SYNPO2: variants seen among roughly 807,000 people sequenced by gnomAD.
The protein encoded by SYNPO2 is synaptopodin-2.
SYNPO2 carries 56 observed loss-of-function variants against 85.0 expected under a neutral mutation model. The observed-to-expected ratio is 0.66, with a 90% confidence interval of 0.53 to 0.82. SYNPO2 has a LOEUF of 0.82. SYNPO2 is among the 40% of genes least tolerant of loss of function. The pLI, the probability that SYNPO2 is intolerant of heterozygous loss-of-function variation, is 0.00. For missense variants in SYNPO2, 1,575 were observed against 1,534.2 expected (o/e 1.03, Z -0.44); for synonymous variants, 602 against 591.1 (o/e 1.02, Z -0.27).
At chr4:118,929,834 G>A (rs953033522) in intron 1 of SYNPO2, among the ~76,000 whole-genome samples, 2 of 152,054 alleles carry the variant, frequency 1.3e-5, no homozygotes, top group Non-Finnish European at 2.9e-5. Flanking sequence ...ATTTATCGTG[G>A]ATGCATACAT....
Position 119,026,820 on chromosome 4 carries a change from G to A in SYNPO2, c.451G>A (p.Asp151Asn), listed in dbSNP as rs540880651. Residue 151 changes from aspartate (D) to asparagine (N), a missense_variant, in exon 3 of 5, where the codon GAC becomes AAC. Around this residue, in one of 3 missense-constraint regions of SYNPO2, gnomAD observed 1,508 missense variants for 1,446.8 expected, o/e 1.04. Coordinates refer to ENST00000307142, the MANE Select transcript of SYNPO2 (RefSeq NM_133477.3). ...PLAENQRSGP[D>N]CAGSLKEETG... ...AGCTGAGAACCAAAGAAGTGGTCCC[G>A]ACTGTGCAGGCAGCTTGAAAGAAGA... The A allele has an allele frequency of 9.9e-6, 16 of 1,613,946 alleles. No individual in the cohort carries two copies. In the South Asian group the frequency reaches 1.3e-4, roughly 13 times the overall value.
At chr4:119,036,993 A>C in intron 4 of SYNPO2, 3 of 1,330,464 alleles carry the variant, frequency 2.3e-6, no homozygotes, top group Non-Finnish European at 1.9e-6. Flanking sequence ...TTTGTTATTA[A>C]TATAGGTAAT....
At chr4:119,043,096 G>GTTTTT (rs1191513526) in intron 4 of SYNPO2, 1 of 152,244 alleles carries the variant, frequency 6.6e-6, no homozygotes, top group Admixed American at 6.6e-5. Flanking sequence ...GTTTTGTTTT[G>GTTTTT]TTTTTAGACA....
chr4:119,059,657 A>G lies in SYNPO2; in HGVS notation c.*1723A>G, dbSNP rs1739344796. ...TTTTGCTCTTGAATGTATCGTTATG[A>G]TGGTCTCTTATAATCATGGTATCTT... On this transcript the variant is annotated 3_prime_UTR_variant, in exon 5 of 5. Coordinates refer to ENST00000307142, the MANE Select transcript of SYNPO2 (RefSeq NM_133477.3). The G allele has an allele frequency of 6.6e-6, 1 of 152,090 alleles. No homozygotes were observed. The highest frequency in any genetic ancestry group is 6.6e-5 in the Admixed American group (1 of 15,252). 9.4% of individuals were successfully genotyped at this position (152,090 alleles called of 1,614,324 possible).
At chr4:118,927,776 T>TAGATAGATAGATAGATA (rs143891687) in intron 1 of SYNPO2, among the ~76,000 whole-genome samples, 2 of 102,570 alleles carry the variant, frequency 1.9e-5, no homozygotes, top group Non-Finnish European at 4.2e-5. Context: ...GATAGATAGA[T>TAGATAGATAGATAGATA]GATAGATAGA....
chr4:118,898,449 C>A (rs1345565570), intron 1 of SYNPO2, among the ~76,000 whole-genome samples: 1 of 152,148 alleles, frequency 6.6e-6, no homozygotes, highest in Non-Finnish European at 1.5e-5. Flanking sequence ...CCTGTTATAT[C>A]ACTGCTTAAA....
intron 1 of SYNPO2, among the ~76,000 whole-genome samples, chr4:118,990,291 A>G (rs1209891597): frequency 6.6e-6 from 1 of 152,232 alleles, no homozygotes; most frequent in Non-Finnish European, 1.5e-5. Context: ...CTCACAAAGA[A>G]ACGTGCAGTG....
At chr4:118,929,679 G>A (rs528709387) in intron 1 of SYNPO2, among the ~76,000 whole-genome samples, 12 of 151,704 alleles carry the variant, frequency 7.9e-5, no homozygotes, top group Admixed American at 3.9e-4. Flanking sequence ...CTACAAAATC[G>A]AAATAACTTT....
At chr4:119,036,084 C>A (rs1738501631) in intron 4 of SYNPO2, 2 of 985,226 alleles carry the variant, frequency 2.0e-6, no homozygotes, top group African/African-American at 3.5e-5. Flanking sequence ...TAAACTAGGG[C>A]TCCTGCAAGC....
At chr4:119,053,750 A>G (rs1456937728) in intron 4 of SYNPO2, among the ~76,000 whole-genome samples, 1 of 152,218 alleles carries the variant, frequency 6.6e-6, no homozygotes, top group South Asian at 2.1e-4. Flanking sequence ...AGAAACACCA[A>G]AAAATAATTC....
intron 1 of SYNPO2, among the ~76,000 whole-genome samples, chr4:119,021,780 T>C (rs1173091128): frequency 6.6e-6 from 1 of 152,056 alleles, no homozygotes; most frequent in Admixed American, 6.5e-5. Context: ...GGAGATAATG[T>C]GTGTTGTTGG....
chr4:118,902,046 G>A (rs1732774253), intron 1 of SYNPO2, among the ~76,000 whole-genome samples: 1 of 151,990 alleles, frequency 6.6e-6, no homozygotes, highest in Non-Finnish European at 1.5e-5. Flanking sequence ...AAGTAAATGT[G>A]CCAATGTAGC....
intron 1 of SYNPO2, among the ~76,000 whole-genome samples, chr4:118,873,930 A>T (rs574165515): frequency 0.017 from 1,896 of 111,720 alleles, 21 homozygotes; most frequent in Non-Finnish European, 0.028. Context: ...GGCATTTATT[A>T]AAAAGAGTGT....
chr4:118,992,173 T>A (rs1192331212), intron 1 of SYNPO2, among the ~76,000 whole-genome samples: 1 of 152,084 alleles, frequency 6.6e-6, no homozygotes, highest in African/African-American at 2.4e-5. Context: ...TTTGTTCTGT[T>A]TATAGGCAAG....
At chr4:118,856,040 C>CCATA (rs1731498624) in intron 1 of SYNPO2, among the ~76,000 whole-genome samples, 1 of 152,162 alleles carries the variant, frequency 6.6e-6, no homozygotes, top group Admixed American at 6.5e-5. Flanking sequence ...GATACCATAA[C>CCATA]ATAGTGGATC....
intron 1 of SYNPO2, among the ~76,000 whole-genome samples, chr4:118,901,730 C>A (rs994070398): frequency 5.3e-5 from 8 of 152,156 alleles, no homozygotes; most frequent in Non-Finnish European, 1.0e-4. Context: ...AATGAATTGA[C>A]GAGAAACCCT....
chr4:118,908,244 G>A (rs868801465), intron 1 of SYNPO2, among the ~76,000 whole-genome samples: 10 of 151,890 alleles, frequency 6.6e-5, no homozygotes, highest in African/African-American at 2.4e-4. Flanking sequence ...TAAAAATTAA[G>A]AATATGTGAA....
intron 1 of SYNPO2, among the ~76,000 whole-genome samples, chr4:118,980,195 T>C (rs576868923): frequency 6.6e-6 from 1 of 152,184 alleles, no homozygotes; most frequent in Non-Finnish European, 1.5e-5. Flanking sequence ...TTTTCATCTG[T>C]TTTCTGGAAA....
chr4:118,933,575 T>C (rs1338453402), intron 1 of SYNPO2, among the ~76,000 whole-genome samples: 2 of 152,218 alleles, frequency 1.3e-5, no homozygotes, highest in Non-Finnish European at 2.9e-5. Context: ...TAAGTAAGGA[T>C]GATAACTTTT....
Sources: gnomAD v4.1 joint callset for allele counts (sites outside exome capture counted in the v4.1 genomes callset) on GRCh38, gnomAD v4.1.1 for gene constraint, gnomAD v4.1.1 regional missense constraint, MANE v1.5 for transcripts, NCBI Gene and HGNC (gene_info 2026-07-23, HGNC 2026-07-21) for gene names.